LRRC4C: variants seen among roughly 807,000 people sequenced by gnomAD.
LRRC4C encodes the protein leucine-rich repeat-containing protein 4C.
Under a neutral mutation model 33.6 loss-of-function variants are expected in LRRC4C, and 5 were observed. The ratio of observed to expected loss-of-function variants is 0.15; its 90% CI spans 0.08 to 0.31. The LOEUF is 0.31. LRRC4C is among the 10% of genes least tolerant of loss of function. LRRC4C has a pLI of 1.00. For missense variants in LRRC4C, 560 were observed against 796.7 expected (o/e 0.70, Z 3.58); for synonymous variants, 329 against 302.0 (o/e 1.09, Z -0.93).
intron 3 of LRRC4C, among the ~76,000 whole-genome samples, chr11:40,433,785 A>G (rs1211211488): frequency 6.6e-6 from 1 of 152,132 alleles, no homozygotes; most frequent in African/African-American, 2.4e-5. Context: ...TGGGAAGATG[A>G]GGTTTATGAG....
intron 3 of LRRC4C, among the ~76,000 whole-genome samples, chr11:40,428,759 A>G (rs981836465): frequency 2.0e-5 from 3 of 152,220 alleles, no homozygotes; most frequent in African/African-American, 7.2e-5. Flanking sequence ...ACTATTTTCC[A>G]GTGGTCTTGG....
intron 1 of LRRC4C, among the ~76,000 whole-genome samples, chr11:41,338,164 T>G (rs924520223): frequency 2.6e-5 from 4 of 152,132 alleles, no homozygotes; most frequent in Admixed American, 6.6e-5. Context: ...AGAAATACAA[T>G]TTGACCCAGC....
intron 2 of LRRC4C, among the ~76,000 whole-genome samples, chr11:40,878,771 C>G (rs1955036236): frequency 6.6e-6 from 1 of 152,194 alleles, no homozygotes. Flanking sequence ...ATTATTAGCA[C>G]TGCTGTGTGG....
intron 5 of LRRC4C, among the ~76,000 whole-genome samples, chr11:40,205,696 T>C (rs900620829): frequency 6.6e-6 from 1 of 152,188 alleles, no homozygotes; most frequent in African/African-American, 2.4e-5. Flanking sequence ...TGTCAAAATA[T>C]TCAGCATGAT....
chr11:41,241,702 TC>T (rs1565510346), intron 1 of LRRC4C, among the ~76,000 whole-genome samples: 1 of 152,164 alleles, frequency 6.6e-6, no homozygotes, highest in Non-Finnish European at 1.5e-5. Context: ...GTATCACTTT[TC>T]TTTTGACAGA....
intron 1 of LRRC4C, among the ~76,000 whole-genome samples, chr11:41,239,112 G>C (rs1948141604): frequency 6.8e-6 from 1 of 147,086 alleles, no homozygotes; most frequent in South Asian, 2.2e-4. Context: ...TCAGGAGATC[G>C]AGACTATCCT....
intron 4 of LRRC4C, among the ~76,000 whole-genome samples, chr11:40,274,104 C>G (rs1754173452): frequency 6.6e-6 from 1 of 152,032 alleles, no homozygotes; most frequent in African/African-American, 2.4e-5. Context: ...AGAAAAAGAA[C>G]AAGAAATGAT....
intron 1 of LRRC4C, among the ~76,000 whole-genome samples, chr11:41,377,652 G>C (rs1342339773): frequency 6.6e-6 from 1 of 152,152 alleles, no homozygotes; most frequent in Non-Finnish European, 1.5e-5. Context: ...TCTCCACTTA[G>C]AAAACATAGA....
At chr11:40,881,986 T>C (rs538536759) in intron 2 of LRRC4C, among the ~76,000 whole-genome samples, 1 of 151,876 alleles carries the variant, frequency 6.6e-6, no homozygotes, top group Non-Finnish European at 1.5e-5. Flanking sequence ...AGTCAGCAGG[T>C]TTTTTTTCTT....
chr11:40,945,702 A>G (rs1427306386), intron 1 of LRRC4C, among the ~76,000 whole-genome samples: 1 of 152,150 alleles, frequency 6.6e-6, no homozygotes, highest in Non-Finnish European at 1.5e-5. Context: ...AATGGATGTG[A>G]TTAAGCAATC....
At chr11:40,842,186 T>C (rs1952943533) in intron 2 of LRRC4C, among the ~76,000 whole-genome samples, 1 of 152,170 alleles carries the variant, frequency 6.6e-6, no homozygotes, top group African/African-American at 2.4e-5. Context: ...AAAAATCCAA[T>C]GTAGCACTCA....
chr11:41,125,347 A>G (rs1942684254), intron 1 of LRRC4C, among the ~76,000 whole-genome samples: 1 of 152,236 alleles, frequency 6.6e-6, no homozygotes, highest in Non-Finnish European at 1.5e-5. Flanking sequence ...CCTTCATTTA[A>G]TAAAACCAGG....
intron 1 of LRRC4C, among the ~76,000 whole-genome samples, chr11:41,150,810 AT>A (rs1365422454): frequency 6.7e-6 from 1 of 150,202 alleles, no homozygotes; most frequent in Non-Finnish European, 1.5e-5. Context: ...ATAAAATAAA[AT>A]AAAATAAAAT....
In LRRC4C at chr11:40,952,892, ACACACTCT is replaced by A. The variant is rs1449351962; in HGVS notation, c.-495-19177_-495-19170del. 4.2e-3 allele frequency among the ~76,000 whole-genome samples: 209 copies of A among 49,634 alleles called. 2 individuals carry two copies. Among genetic ancestry groups the A allele is most frequent in the South Asian group, 0.038 (41 of 1,080 alleles). The allele number at this position is 49,634 out of a possible 152,430, so 32.6% of individuals were successfully genotyped here. Reference sequence around the variant, plus strand: ...CACACACACACACACACACACACACACACACTCTCTCTCTCTCTCTCTCTCTCTCTCTT... The same window carrying A: ...CACACACACACACACACACACACACACTCTCTCTCTCTCTCTCTCTCTCTT... On this transcript the variant is annotated intron_variant, in intron 1 of 6. Coordinates refer to ENST00000528697, the MANE Select transcript of LRRC4C (RefSeq NM_001258419.2).
chr11:41,035,987 A>G (rs994489724), intron 1 of LRRC4C, among the ~76,000 whole-genome samples: 5 of 152,114 alleles, frequency 3.3e-5, no homozygotes, highest in African/African-American at 1.2e-4. Context: ...CTTGAAATAT[A>G]GAAATGTAAC....
chr11:40,486,912 C>T (rs909885642), intron 3 of LRRC4C, among the ~76,000 whole-genome samples: 4 of 151,990 alleles, frequency 2.6e-5, no homozygotes, highest in Admixed American at 1.3e-4. Flanking sequence ...AATTTGGCAT[C>T]GGTTATCTGT....
At chr11:40,668,752 C>A (rs1387155803) in intron 2 of LRRC4C, among the ~76,000 whole-genome samples, 1 of 152,050 alleles carries the variant, frequency 6.6e-6, no homozygotes, top group Admixed American at 6.6e-5. Context: ...AAATAATTAC[C>A]CAATGGAATA....
chr11:40,541,002 G>A (rs1956686416), intron 3 of LRRC4C, among the ~76,000 whole-genome samples: 1 of 152,030 alleles, frequency 6.6e-6, no homozygotes, highest in Non-Finnish European at 1.5e-5. Flanking sequence ...AGCACCTATA[G>A]GGAAATCAAA....
intron 1 of LRRC4C, among the ~76,000 whole-genome samples, chr11:41,244,926 A>T (rs1361480826): frequency 6.6e-6 from 1 of 152,134 alleles, no homozygotes; most frequent in Non-Finnish European, 1.5e-5. Context: ...CACCTACAAC[A>T]TGACAGGTAT....
Sources: allele counts gnomAD v4.1 joint callset (sites outside exome capture counted in the v4.1 genomes callset), GRCh38; gene constraint gnomAD v4.1.1; transcripts MANE v1.5; gene names NCBI Gene and HGNC (gene_info 2026-07-23, HGNC 2026-07-21).